NUP153: variants seen among roughly 807,000 people sequenced by gnomAD.
NUP153 encodes nuclear pore complex protein Nup153.
In NUP153, 27 loss-of-function variants were observed where a neutral mutation model predicts 134.6. That is an observed-to-expected ratio of 0.20 (90% confidence interval 0.15 to 0.28). NUP153 has a LOEUF of 0.28. NUP153 is among the 10% of genes least tolerant of loss of function. The pLI is 1.00. For synonymous variants in NUP153, 640 were observed against 623.5 expected (o/e 1.03, Z -0.40); for missense variants, 1,821 against 1,731.3 (o/e 1.05, Z -0.92).
intron 12 of NUP153, among the ~76,000 whole-genome samples, chr6:17,648,344 T>C (rs1766324548): frequency 6.6e-6 from 1 of 151,546 alleles, no homozygotes; most frequent in Non-Finnish European, 1.5e-5. Flanking sequence ...TGGCCAGGAG[T>C]GGGGGCTCAC....
At chr6:17,669,407 T>C in intron 6 of NUP153, 23 bp downstream of exon 6, 1 of 1,597,484 alleles carries the variant, frequency 6.3e-7, no homozygotes, top group East Asian at 2.2e-5. Context: ...ACTCCTGTAT[T>C]AATCGTGATT....
intron 20 of NUP153, among the ~76,000 whole-genome samples, chr6:17,618,804 G>A (rs1269980516): frequency 6.6e-6 from 1 of 152,174 alleles, no homozygotes; most frequent in East Asian, 1.9e-4. Context: ...CTGACCTCGT[G>A]ATCTGCCCGC....
Position 17,629,016 on chromosome 6 carries a change from A to T in NUP153, c.3183T>A (p.Ala1061=). Residue 1061 remains alanine, a synonymous_variant, in exon 18 of 22, where the codon GCT becomes GCA. Coordinates refer to ENST00000262077, the MANE Select transcript of NUP153 (RefSeq NM_005124.4). ...CTTCTGATGTCTTACATGTGAAAGG[A>T]GCCACTGAAGCACTCTTGGTTTCTA... ...GTIETKSASV[A]PFTCKTSEAK... 6.2e-7 allele frequency: 1 copy of T among 1,614,148 alleles called. No individual in the cohort carries two copies. Among genetic ancestry groups the T allele is most frequent in the African/African-American group, 1.3e-5 (1 of 75,032 alleles).
Position 17,674,901 on chromosome 6 carries a change from C to A in NUP153, c.852+4G>T. 6.3e-7 allele frequency: 1 copy of A among 1,581,384 alleles called. No homozygotes were observed. The highest frequency in any genetic ancestry group is 8.6e-7 in the Non-Finnish European group (1 of 1,167,006). ...AGATCATCAACCCTTCTATTGGAAC[C>A]TACCTGATAAGGTGTATTTCGTAGT... On this transcript the variant is annotated splice_donor_region_variant and intron_variant, in intron 5 of 21. Coordinates refer to ENST00000262077, the MANE Select transcript of NUP153 (RefSeq NM_005124.4).
intron 18 of NUP153, among the ~76,000 whole-genome samples, chr6:17,626,415 A>G (rs1315000875): frequency 6.6e-6 from 1 of 152,226 alleles, no homozygotes; most frequent in African/African-American, 2.4e-5. Flanking sequence ...TCAGGTTAAT[A>G]AAAATACACC....
In NUP153 at chr6:17,628,570, T is replaced by A. The variant is rs955949533; in HGVS notation, c.3544+85A>T. The A allele has an allele frequency of 2.3e-5, 15 of 658,472 alleles. No individual in the cohort carries two copies. Among genetic ancestry groups the A allele is most frequent in the Non-Finnish European group, 3.2e-5 (15 of 469,756 alleles). 40.8% of individuals were successfully genotyped at this position (658,472 alleles called of 1,614,324 possible). On this transcript the variant is annotated intron_variant, in intron 18 of 21. Coordinates refer to ENST00000262077, the MANE Select transcript of NUP153 (RefSeq NM_005124.4). This position sits in a 1 kb window ranked among gnomAD's most constrained non-coding sequence, Gnocchi z 5.4. ...TGTTCAGTGTAAACCATTAATTGAC[T>A]TGCTGCATCTGTCAAGGCAACTTGT...
intron 11 of NUP153, among the ~76,000 whole-genome samples, chr6:17,649,539 A>G (rs892294645): frequency 7.0e-6 from 1 of 143,404 alleles, no homozygotes; most frequent in Admixed American, 7.3e-5. Flanking sequence ...AAACTGAGGG[A>G]AAAAAGATAG....
intron 20 of NUP153, among the ~76,000 whole-genome samples, chr6:17,622,444 G>A (rs1045030166): frequency 9.2e-5 from 14 of 152,198 alleles, no homozygotes; most frequent in Middle Eastern, 3.4e-3. Context: ...CAGTTTGTGC[G>A]GCAAGGTGAG....
In NUP153 at chr6:17,687,083, T is replaced by C. The variant is rs983371632; in HGVS notation, c.334+1313A>G. ...AAATCAGTTTGAGTTGACCTTGGCA[T>C]AAATTCATCCTGCTATTTTCATGAA... On this transcript the variant is annotated intron_variant, in intron 2 of 21. Transcript: ENST00000262077. Among the ~76,000 whole-genome samples, 3 of 152,206 alleles carry C rather than the reference T, an allele frequency of 2.0e-5. No individual in the cohort carries two copies. In the East Asian group the frequency reaches 5.8e-4, roughly 29 times the overall value.
At position 17,637,766 on chromosome 6, in the gene NUP153, G is replaced by A. The variant is rs183630890; in HGVS notation, c.1851C>T (p.Phe617=). The change falls in exon 16 of 22, where the codon TTC becomes TTT. Residue 617 remains phenylalanine, a synonymous_variant. Coordinates refer to ENST00000262077, the MANE Select transcript of NUP153 (RefSeq NM_005124.4). The part of the protein sequence containing the change: ...SVLDILKSPG[F]ASPKIDSVAA... Reference sequence around the variant, plus strand: ...CAACAGAATCTATCTTCGGCGATGCGAAACCTACAATGAACGAAGGAGAGA... The same window carrying A: ...CAACAGAATCTATCTTCGGCGATGCAAAACCTACAATGAACGAAGGAGAGA... 43 of 1,595,692 alleles carry A rather than the reference G, an allele frequency of 2.7e-5. No individual in the cohort carries two copies. Among genetic ancestry groups the A allele is most frequent in the African/African-American group, 5.3e-5 (4 of 74,816 alleles).
chr6:17,693,777 T>C (rs1454852356), intron 1 of NUP153, among the ~76,000 whole-genome samples: 1 of 151,954 alleles, frequency 6.6e-6, no homozygotes, highest in East Asian at 1.9e-4. Flanking sequence ...TCCCAGCTAC[T>C]AGGAAGGCTG....
intron 18 of NUP153, 62 bp from the exon 19 acceptor site, chr6:17,626,226 T>A (rs1023943663): frequency 1.0e-5 from 13 of 1,270,702 alleles, no homozygotes; most frequent in Non-Finnish European, 1.4e-5. Flanking sequence ...AAAGTACTTT[T>A]TCCTACCCTA....
In NUP153 at chr6:17,637,474, A is replaced by T. The variant is rs768895389; in HGVS notation, c.2143T>A (p.Phe715Ile). Residue 715 changes from phenylalanine (F) to isoleucine (I), a missense_variant, in exon 16 of 22, where the codon TTT becomes ATT. Transcript: ENST00000262077. ...ATCACTGGTTTAAATTTGTCTCCAAAGCCTGTCCCTGATGCAGAAAGAGTT... is the reference window on the plus strand; with the variant it reads ...ATCACTGGTTTAAATTTGTCTCCAATGCCTGTCCCTGATGCAGAAAGAGTT... ...KTTLSASGTG[F>I]GDKFKPVIGT... 74 of 1,614,100 alleles carry T rather than the reference A, an allele frequency of 4.6e-5. No individual in the cohort carries two copies. The highest frequency in any genetic ancestry group is 5.5e-5 in the Non-Finnish European group (65 of 1,180,050).
chr6:17,648,789 C>T (rs1249176172), intron 12 of NUP153, among the ~76,000 whole-genome samples: 1 of 138,564 alleles, frequency 7.2e-6, no homozygotes, highest in Non-Finnish European at 1.5e-5. Flanking sequence ...GGCAATACAG[C>T]GAGACACCAT....
At chr6:17,618,596 G>C (rs1366789991) in intron 20 of NUP153, among the ~76,000 whole-genome samples, 5 of 147,976 alleles carry the variant, frequency 3.4e-5, no homozygotes, top group South Asian at 2.1e-4. Flanking sequence ...GATGGAGTCT[G>C]GCTCTGTTGC....
chr6:17,673,051 A>G (rs1442902543), intron 5 of NUP153, among the ~76,000 whole-genome samples: 1 of 152,164 alleles, frequency 6.6e-6, no homozygotes, highest in African/African-American at 2.4e-5. Context: ...ACACGCACAC[A>G]CACACACAAA....
chr6:17,661,102 A>T (rs1392393445), intron 11 of NUP153, among the ~76,000 whole-genome samples: 1 of 152,080 alleles, frequency 6.6e-6, no homozygotes, highest in Non-Finnish European at 1.5e-5. Flanking sequence ...ATCACTTGAC[A>T]TCAGGAGTTC....
In NUP153 at chr6:17,694,432, G is replaced by A. The variant is rs371900590; in HGVS notation, c.112-5814C>T. Among the ~76,000 whole-genome samples the A allele has an allele frequency of 3.3e-4, 51 of 152,302 alleles. No individual in the cohort carries two copies. In the East Asian group the frequency reaches 3.5e-3, roughly 10 times the overall value. ...CCAGCACTTCCGGAGGCCGACGCGG[G>A]CGGATTACCTGAGGTCAAGAGTTCA... On this transcript the variant is annotated intron_variant, in intron 1 of 21. Coordinates refer to ENST00000262077, the MANE Select transcript of NUP153 (RefSeq NM_005124.4).
At position 17,629,292 on chromosome 6, in the gene NUP153, G is replaced by A. The variant is rs750695345; in HGVS notation, c.2907C>T (p.Pro969=). The A allele has an allele frequency of 2.5e-5, 41 of 1,608,726 alleles. No homozygotes were observed. The highest frequency in any genetic ancestry group is 1.2e-4 in the Admixed American group (7 of 58,710). The change falls in exon 18 of 22, where the codon CCC becomes CCT. Residue 969 remains proline (P), a synonymous_variant. Coordinates refer to ENST00000262077, the MANE Select transcript of NUP153 (RefSeq NM_005124.4). Reference sequence around the variant, plus strand: ...TCTTACTATCTTTTTTAACTTCTTCGGGCTTAGATTCAGATGAAACTCCAA... The same window carrying A: ...TCTTACTATCTTTTTTAACTTCTTCAGGCTTAGATTCAGATGAAACTCCAA... ...FKFGVSSESK[P]EEVKKDSKND... is the part of the protein sequence containing the mutation.
Sources: gnomAD v4.1 joint callset for allele counts (sites outside exome capture counted in the v4.1 genomes callset) on GRCh38, gnomAD v4.1.1 for gene constraint, Gnocchi (gnomAD v3.1) non-coding constraint, MANE v1.5 for transcripts, NCBI Gene and HGNC (gene_info 2026-07-23, HGNC 2026-07-21) for gene names.